FAM110B: variants seen among roughly 807,000 people sequenced by gnomAD.
The protein encoded by FAM110B is family with sequence similarity 110 member B, also known as protein FAM110B.
FAM110B carries 6 observed loss-of-function variants against 20.4 expected under a neutral mutation model. The observed-to-expected ratio is 0.29, with a 90% CI of 0.16 to 0.58. The LOEUF is 0.58. Among genes scored for constraint, FAM110B ranks in the 20% least tolerant of loss-of-function variants. FAM110B has a pLI of 0.90. For synonymous variants in FAM110B, 226 were observed against 214.1 expected (o/e 1.06, Z -0.49); for missense variants, 434 against 498.2 (o/e 0.87, Z 1.23).
At chr8:58,121,117 A>T (rs1435193729) in intron 3 of FAM110B, among the ~76,000 whole-genome samples, 11 of 152,202 alleles carry the variant, frequency 7.2e-5, no homozygotes, top group Non-Finnish European at 1.5e-5. Context: ...TCATGCAGAA[A>T]AATCAGCACT....
chr8:58,035,277 T>C (rs906686908), intron 2 of FAM110B, among the ~76,000 whole-genome samples: 1 of 152,202 alleles, frequency 6.6e-6, no homozygotes, highest in Non-Finnish European at 1.5e-5. Flanking sequence ...TATGAAATGA[T>C]TAAAGCAAGC....
intron 3 of FAM110B, chr8:58,106,114 C>T (rs777935700): frequency 2.6e-4 from 39 of 152,268 alleles, no homozygotes; most frequent in Non-Finnish European, 4.1e-4. Context: ...TTTCAATTCT[C>T]GTATTTTAGT....
In FAM110B at chr8:58,146,994, C is replaced by T. The variant is rs1422092788; in HGVS notation, c.764C>T (p.Ser255Phe). ...EPACGVSRRP[S>F]LQRSKSDLSD... The stretch of plus-strand genomic sequence containing the variant: ...GCTTGTGGAGTCAGCCGAAGACCCT[C>T]CCTCCAGCGGTCTAAGTCAGACTTG... Residue 255 changes from serine to phenylalanine, a missense_variant, in exon 4 of 4, where the codon TCC becomes TTC. Physicochemically the swap from Ser to Phe is radical, Grantham distance 155. Transcript: ENST00000519262. The T allele has an allele frequency of 6.2e-7, 1 of 1,614,224 alleles. No individual in the cohort carries two copies. The highest frequency in any genetic ancestry group is 1.1e-5 in the South Asian group (1 of 91,086).
intron 3 of FAM110B, among the ~76,000 whole-genome samples, chr8:58,119,370 G>A (rs529542934): frequency 1.3e-5 from 2 of 152,176 alleles, no homozygotes; most frequent in Non-Finnish European, 2.9e-5. Context: ...CTATGTCCTC[G>A]CATGGGGGAA....
At chr8:58,125,715 A>G (rs1021408509) in intron 3 of FAM110B, among the ~76,000 whole-genome samples, 1 of 152,218 alleles carries the variant, frequency 6.6e-6, no homozygotes. Context: ...TTATGACCTG[A>G]GAAACATGTC....
intron 3 of FAM110B, among the ~76,000 whole-genome samples, chr8:58,087,478 A>G (rs1283324751): frequency 3.3e-5 from 5 of 152,338 alleles, no homozygotes; most frequent in African/African-American, 1.2e-4. Context: ...ATGAGGCAAC[A>G]GAGCATCAGA....
At chr8:58,114,042 G>A (rs1263525451) in intron 3 of FAM110B, among the ~76,000 whole-genome samples, 1 of 152,136 alleles carries the variant, frequency 6.6e-6, no homozygotes, top group Non-Finnish European at 1.5e-5. Context: ...ACATTTGATA[G>A]GTTTGCTCTA....
Position 58,146,793 on chromosome 8 carries a change from A to T in FAM110B, c.563A>T (p.Gln188Leu). The T allele has an allele frequency of 6.2e-7, 1 of 1,610,252 alleles. No homozygotes were observed. The highest frequency in any genetic ancestry group is 8.5e-7 in the Non-Finnish European group (1 of 1,177,846). Residue 188 changes from glutamine (Q) to leucine (L), a missense_variant, in exon 4 of 4, where the codon CAG becomes CTG. This residue lies in a region of FAM110B where 284 missense variants were observed against 278.3 expected (regional missense o/e 1.02). Transcript: ENST00000519262. ...CACGTGGGCAGGAGACTGCTGGAGC[A>T]GTCAGCCGAGTCCTTCCTCCACGTG... ...GSHVGRRLLE[Q>L]SAESFLHVSH...
chr8:58,009,751 TA>T (rs1804489208), intron 1 of FAM110B, among the ~76,000 whole-genome samples: 1 of 152,230 alleles, frequency 6.6e-6, no homozygotes, highest in African/African-American at 2.4e-5. Context: ...GGCAGCATTC[TA>T]AAACATAGTG....
chr8:58,005,063 G>A (rs377146665), intron 1 of FAM110B, among the ~76,000 whole-genome samples: 11 of 152,168 alleles, frequency 7.2e-5, no homozygotes, highest in Non-Finnish European at 1.2e-4. Flanking sequence ...TTGACCTGTC[G>A]TGGCTTTTGA....
chr8:58,053,356 G>A (rs1805491297), intron 2 of FAM110B, among the ~76,000 whole-genome samples: 2 of 152,214 alleles, frequency 1.3e-5, no homozygotes, highest in South Asian at 4.1e-4. Context: ...TGTGTGGTGT[G>A]ATAGAAAGAG....
intron 2 of FAM110B, among the ~76,000 whole-genome samples, chr8:58,066,522 G>A (rs945563584): frequency 8.5e-5 from 13 of 152,194 alleles, no homozygotes; most frequent in African/African-American, 3.1e-4. Context: ...AGCTGAGTAA[G>A]TGTCTGGTAT....
intron 3 of FAM110B, among the ~76,000 whole-genome samples, chr8:58,090,155 C>CT (rs1360156448): frequency 6.6e-6 from 1 of 152,120 alleles, no homozygotes. Context: ...TATATTTTCT[C>CT]TTTTTTGGGG....
intron 3 of FAM110B, among the ~76,000 whole-genome samples, chr8:58,096,182 A>G (rs1806622210): frequency 6.6e-6 from 1 of 151,402 alleles, no homozygotes; most frequent in Admixed American, 6.6e-5. Context: ...AATGGTCTTG[A>G]CTCTTTTTTT....
chr8:58,101,204 C>A (rs569333812), intron 3 of FAM110B, among the ~76,000 whole-genome samples: 3 of 151,616 alleles, frequency 2.0e-5, no homozygotes, highest in African/African-American at 7.2e-5. Context: ...GTTTACTATT[C>A]CAAGTCTATT....
At position 58,070,742 on chromosome 8, in the gene FAM110B, A is replaced by T. The variant is rs200617958; in HGVS notation, c.-413-4793A>T. Reference sequence around the variant, plus strand: ...TTGCATTGAGTCCACACTGTCCTGAATAATGAGCGATCAGGAAGAATTTAG... The same window carrying T: ...TTGCATTGAGTCCACACTGTCCTGATTAATGAGCGATCAGGAAGAATTTAG... On this transcript the variant is annotated intron_variant, in intron 2 of 3. Coordinates refer to ENST00000519262, the MANE Select transcript of FAM110B (RefSeq NM_001377989.1). 5.9e-5 allele frequency among the ~76,000 whole-genome samples: 9 copies of T among 152,330 alleles called. No homozygotes were observed. In the East Asian group the frequency reaches 1.7e-3, roughly 29 times the overall value.
At chr8:58,042,315 T>A (rs1191094732) in intron 2 of FAM110B, among the ~76,000 whole-genome samples, 1 of 152,250 alleles carries the variant, frequency 6.6e-6, no homozygotes, top group Non-Finnish European at 1.5e-5. Flanking sequence ...CACCACTTCC[T>A]GATTTTCTGG....
At chr8:58,023,246 T>C (rs1804790651) in intron 1 of FAM110B, among the ~76,000 whole-genome samples, 1 of 152,216 alleles carries the variant, frequency 6.6e-6, no homozygotes, top group Non-Finnish European at 1.5e-5. Context: ...AATAATAATT[T>C]AAAAGATCAG....
intron 2 of FAM110B, among the ~76,000 whole-genome samples, chr8:58,052,449 ATCAATAAATAT>A (rs1243697113): frequency 2.6e-5 from 4 of 152,228 alleles, no homozygotes; most frequent in African/African-American, 9.6e-5. Context: ...TAACTTACTT[ATCAATAAATAT>A]TCAATAAATA....
Sources: allele counts gnomAD v4.1 joint callset (sites outside exome capture counted in the v4.1 genomes callset), GRCh38; gene constraint gnomAD v4.1.1; regional missense constraint gnomAD v4.1.1; transcripts MANE v1.5; gene names NCBI Gene and HGNC (gene_info 2026-07-23, HGNC 2026-07-21).